Variants in ADAMTSL1 observed in about 807,000 individuals in gnomAD.
ADAMTSL1 encodes ADAMTS like 1, also known as ADAMTS-like protein 1.
In ADAMTSL1, 126 loss-of-function variants were observed where a neutral mutation model predicts 201.8. The ratio of observed to expected loss-of-function variants is 0.62; its 90% CI spans 0.54 to 0.72. The LOEUF is 0.72. Ranked by LOEUF, ADAMTSL1 falls within the 30% of genes least tolerant of loss-of-function variation. The probability of loss-of-function intolerance (pLI) is 0.00; values close to 1 mark genes in which losing one functional copy is unlikely to be tolerated. For missense variants in ADAMTSL1, 2,679 were observed against 2,277.8 expected (o/e 1.18, Z -3.59); for synonymous variants, 1,121 against 903.4 (o/e 1.24, Z -4.32).
chr9:18,448,119 A>C (rs1820268378), intron 2 of ADAMTSL1, among the ~76,000 whole-genome samples: 1 of 152,232 alleles, frequency 6.6e-6, no homozygotes, highest in Admixed American at 6.5e-5. Context: ...CCCAAGCCTC[A>C]GTAATAAATT....
At chr9:18,003,638 T>A (rs569097370) in intron 1 of ADAMTSL1, among the ~76,000 whole-genome samples, 1 of 152,104 alleles carries the variant, frequency 6.6e-6, no homozygotes, top group Non-Finnish European at 1.5e-5. Flanking sequence ...GCAAGTCGGA[T>A]GGGAATCTCA....
intron 2 of ADAMTSL1, among the ~76,000 whole-genome samples, chr9:18,282,596 T>C (rs956068501): frequency 1.3e-5 from 2 of 152,236 alleles, no homozygotes; most frequent in Middle Eastern, 3.2e-3. Flanking sequence ...ATATTCCATG[T>C]GCACTTGAAA....
chr9:18,180,394 G>C (rs985245188), intron 2 of ADAMTSL1, among the ~76,000 whole-genome samples: 2 of 151,296 alleles, frequency 1.3e-5, no homozygotes, highest in African/African-American at 2.4e-5. Context: ...TTAGCCAGGC[G>C]TAGTGGCGGG....
At chr9:18,003,638 T>G (rs569097370) in intron 1 of ADAMTSL1, among the ~76,000 whole-genome samples, 2 of 152,222 alleles carry the variant, frequency 1.3e-5, no homozygotes, top group South Asian at 4.1e-4. Context: ...GCAAGTCGGA[T>G]GGGAATCTCA....
intron 2 of ADAMTSL1, among the ~76,000 whole-genome samples, chr9:18,210,382 CAT>C (rs1246174188): frequency 1.4e-5 from 1 of 74,056 alleles, no homozygotes; most frequent in Non-Finnish European, 2.6e-5. Context: ...AGAACACACA[CAT>C]ATACGCTAAT....
intron 1 of ADAMTSL1, among the ~76,000 whole-genome samples, chr9:18,061,109 C>G (rs1427903310): frequency 2.6e-5 from 4 of 152,084 alleles, no homozygotes; most frequent in African/African-American, 9.7e-5. Flanking sequence ...TAAATCCTGT[C>G]CCTCTCAAGG....
At chr9:17,984,677 A>C (rs922057188) in intron 1 of ADAMTSL1, among the ~76,000 whole-genome samples, 1 of 152,134 alleles carries the variant, frequency 6.6e-6, no homozygotes, top group Non-Finnish European at 1.5e-5. Context: ...GTATTGTCAA[A>C]TTACCTTACG....
intron 17 of ADAMTSL1, among the ~76,000 whole-genome samples, chr9:18,772,358 G>A (rs1346413278): frequency 1.3e-5 from 2 of 152,206 alleles, no homozygotes; most frequent in Non-Finnish European, 2.9e-5. Context: ...ATGAGACAGA[G>A]AAGATTCAGA....
rs1481754124 is a variant in ADAMTSL1, at chr9:18,908,748, A to C, written c.*200A>C. On this transcript the variant is annotated 3_prime_UTR_variant, in exon 29 of 29. Transcript: ENST00000380548. ...CTCTTTCAGTTAGCTGGAGGACAGGATGTTGGGAAAGGAAAGGACAGATGT... is the reference window on the plus strand; with the variant it reads ...CTCTTTCAGTTAGCTGGAGGACAGGCTGTTGGGAAAGGAAAGGACAGATGT... The C allele has an allele frequency of 3.8e-6, 2 of 532,036 alleles. No individual in the cohort carries two copies. Among genetic ancestry groups the C allele is most frequent in the Non-Finnish European group, 6.7e-6 (2 of 296,452 alleles). 33.0% of individuals were successfully genotyped at this position (532,036 alleles called of 1,614,324 possible).
rs1830330104 is a variant in ADAMTSL1, at chr9:18,906,731, T to C, written c.5001T>C (p.Ser1667=). 6.2e-7 allele frequency: 1 copy of C among 1,612,382 alleles called. No individual in the cohort carries two copies. Among genetic ancestry groups the C allele is most frequent in the Non-Finnish European group, 8.5e-7 (1 of 1,179,158 alleles). ...AGAACTGCTGGTCAGAGGCCTGCAG[T>C]GTACACTGGAGAGTCAGCCTGTGGA... The part of the protein sequence containing the change: ...STQNCWSEAC[S]VHWRVSLWTL... Residue 1667 remains serine, a synonymous_variant, in exon 28 of 29, where the codon AGT becomes AGC. Coordinates refer to ENST00000380548, the MANE Select transcript of ADAMTSL1 (RefSeq NM_001040272.6).
chr9:18,614,359 G>A (rs1318120338), intron 4 of ADAMTSL1, among the ~76,000 whole-genome samples: 1 of 152,136 alleles, frequency 6.6e-6, no homozygotes, highest in Non-Finnish European at 1.5e-5. Context: ...TGATGACACA[G>A]TGCTATTCAG....
chr9:18,040,872 G>A (rs566837832), intron 1 of ADAMTSL1, among the ~76,000 whole-genome samples: 1 of 152,196 alleles, frequency 6.6e-6, no homozygotes, highest in East Asian at 1.9e-4. Context: ...CTGAGGATCA[G>A]TTTGTCATTA....
At chr9:18,538,724 A>G (rs1819948713) in intron 3 of ADAMTSL1, among the ~76,000 whole-genome samples, 2 of 152,172 alleles carry the variant, frequency 1.3e-5, no homozygotes. Flanking sequence ...GCATTCACAG[A>G]GTTGTTCATG....
intron 1 of ADAMTSL1, among the ~76,000 whole-genome samples, chr9:18,099,355 A>ATATATATTTTTTTT (rs1239180390): frequency 2.2e-5 from 1 of 45,562 alleles, no homozygotes; most frequent in Admixed American, 3.3e-4. Context: ...ATATATATAT[A>ATATATATTTTTTTT]TTTTTTTTTT....
intron 2 of ADAMTSL1, chr9:18,361,963 C>T (rs898434318): frequency 6.6e-6 from 1 of 152,098 alleles, no homozygotes; most frequent in African/African-American, 2.4e-5. Context: ...CTTCTTGTGC[C>T]TAGAGGGAGC....
chr9:18,687,542 G>A (rs535310383), intron 13 of ADAMTSL1, among the ~76,000 whole-genome samples: 2 of 152,202 alleles, frequency 1.3e-5, no homozygotes, highest in South Asian at 2.1e-4. Flanking sequence ...ACATTGGAGA[G>A]TTCTGTGGTA....
At chr9:18,720,261 G>T (rs1247272497) in intron 14 of ADAMTSL1, among the ~76,000 whole-genome samples, 2 of 152,156 alleles carry the variant, frequency 1.3e-5, no homozygotes, top group African/African-American at 4.8e-5. Context: ...ATTTACAACT[G>T]TATGAACTTA....
chr9:18,759,333 T>C (rs530424176), intron 16 of ADAMTSL1, among the ~76,000 whole-genome samples: 7 of 152,224 alleles, frequency 4.6e-5, no homozygotes, highest in Non-Finnish European at 1.0e-4. Flanking sequence ...TAATGATAAC[T>C]ATAAATGCCT....
chr9:18,064,088 G>T (rs1822586748), intron 1 of ADAMTSL1, among the ~76,000 whole-genome samples: 1 of 152,162 alleles, frequency 6.6e-6, no homozygotes. Flanking sequence ...TGCTCCTACT[G>T]TTGCTCCATA....
Sources: allele counts gnomAD v4.1 joint callset (sites outside exome capture counted in the v4.1 genomes callset), GRCh38; gene constraint gnomAD v4.1.1; transcripts MANE v1.5; gene names NCBI Gene and HGNC (gene_info 2026-07-23, HGNC 2026-07-21).